The following SUGCT variants were observed in gnomAD, a reference collection of about 807,000 sequenced individuals.
SUGCT encodes the protein succinyl-CoA:glutarate-CoA transferase, also known as succinyl-CoA:glutarate CoA-transferase.
In SUGCT, 41 loss-of-function variants were observed where a neutral mutation model predicts 55.0. That is an observed-to-expected ratio of 0.74 (90% CI 0.58 to 0.97). The LOEUF is 0.97. SUGCT is among the 50% of genes least tolerant of loss of function. SUGCT has a pLI of 0.00. For synonymous variants in SUGCT, 187 were observed against 200.4 expected (o/e 0.93, Z 0.56); for missense variants, 568 against 547.8 (o/e 1.04, Z -0.37).
At chr7:40,176,896 C>T (rs1263144519) in intron 1 of SUGCT, among the ~76,000 whole-genome samples, 2 of 144,874 alleles carry the variant, frequency 1.4e-5, no homozygotes, top group Non-Finnish European at 3.0e-5. Context: ...TCACTTGAAC[C>T]TGGGAAGCGG....
At chr7:40,291,978 G>C (rs984072619) in intron 8 of SUGCT, among the ~76,000 whole-genome samples, 1 of 152,094 alleles carries the variant, frequency 6.6e-6, no homozygotes, top group African/African-American at 2.4e-5. Context: ...TAGCCCATGC[G>C]GAGTGATTTC....
chr7:40,905,728 T>C, the SUGCT span, among the ~76,000 whole-genome samples: 30 of 152,000 alleles, frequency 2.0e-4, no homozygotes, highest in Admixed American at 1.6e-3. Context: ...TTTTTTTTTT[T>C]CTTTAGAGGC....
chr7:40,171,043 T>C (rs1032490410), intron 1 of SUGCT, among the ~76,000 whole-genome samples: 2 of 152,206 alleles, frequency 1.3e-5, no homozygotes, highest in African/African-American at 4.8e-5. Context: ...TGCAAATTTA[T>C]TTCAGAGAGG....
At chr7:40,347,243 A>C (rs1230901137) in intron 9 of SUGCT, among the ~76,000 whole-genome samples, 1 of 152,232 alleles carries the variant, frequency 6.6e-6, no homozygotes, top group Admixed American at 6.5e-5. Flanking sequence ...TAGAGAATAC[A>C]TAGATAATCT....
chr7:40,389,767 C>G (rs1785320776), intron 9 of SUGCT, among the ~76,000 whole-genome samples: 1 of 152,172 alleles, frequency 6.6e-6, no homozygotes, highest in African/African-American at 2.4e-5. Flanking sequence ...ATGCACTACT[C>G]CTAACTACTG....
intron 13 of SUGCT, among the ~76,000 whole-genome samples, chr7:40,829,570 AAAG>A (rs1453691704): frequency 2.0e-5 from 3 of 152,214 alleles, no homozygotes; most frequent in Admixed American, 1.3e-4. Flanking sequence ...ATTTTAATAA[AAAG>A]AAAAACAAAA....
At chr7:40,543,766 G>T (rs923397595) in intron 12 of SUGCT, among the ~76,000 whole-genome samples, 25 of 152,214 alleles carry the variant, frequency 1.6e-4, no homozygotes, top group Admixed American at 1.6e-3. Context: ...TGTTTTAGTT[G>T]TGATGTTCAA....
intron 13 of SUGCT, chr7:40,783,520 A>C (rs987001070): frequency 6.6e-6 from 1 of 152,140 alleles, no homozygotes; most frequent in Non-Finnish European, 1.5e-5. Flanking sequence ...ATTTTAGAGC[A>C]CTAACAGGAG....
At chr7:40,675,594 C>T (rs1423292327) in intron 12 of SUGCT, among the ~76,000 whole-genome samples, 2 of 152,132 alleles carry the variant, frequency 1.3e-5, no homozygotes, top group African/African-American at 4.8e-5. Context: ...TAAGCTACAG[C>T]TGGGGGTCAG....
At position 40,840,611 on chromosome 7, in the gene SUGCT, C is replaced by T. The variant is rs147613426; in HGVS notation, c.1154-19705C>T. ...AATGTTTACATCAGCGGAGACAAAA[C>T]GTCTCAAATCAATCATCTAAGTTTC... On this transcript the variant is annotated intron_variant, in intron 13 of 13. Coordinates refer to ENST00000335693, the MANE Select transcript of SUGCT (RefSeq NM_001193313.2). Among the ~76,000 whole-genome samples, 40 of 151,276 alleles carry T rather than the reference C, an allele frequency of 2.6e-4. No homozygotes were observed. In the South Asian group the frequency reaches 7.8e-3, roughly 29 times the overall value.
intron 12 of SUGCT, among the ~76,000 whole-genome samples, chr7:40,662,248 T>C (rs1395530835): frequency 2.0e-5 from 3 of 152,212 alleles, no homozygotes; most frequent in Admixed American, 2.0e-4. Flanking sequence ...TCTTACCAGC[T>C]CTGTTGCTGA....
chr7:40,521,680 G>A (rs1285399388), intron 12 of SUGCT, among the ~76,000 whole-genome samples: 1 of 151,826 alleles, frequency 6.6e-6, no homozygotes, highest in African/African-American at 2.4e-5. Context: ...TTTTTTTAGA[G>A]ATTAACTTTT....
At chr7:40,281,805 A>AT (rs1293046133) in intron 8 of SUGCT, among the ~76,000 whole-genome samples, 1 of 148,934 alleles carries the variant, frequency 6.7e-6, no homozygotes, top group Non-Finnish European at 1.5e-5. Flanking sequence ...CAGGCAATTG[A>AT]TTTTTTGTTT....
rs1009713962 is a variant in SUGCT at position 40,821,844 on chromosome 7, T to C, written c.1154-38472T>C. ...GTTTGCTCTTGCTTCTCTAGTTCTT[T>C]TGATGTGATGTTAGGGTGTCAATTT... On this transcript the variant is annotated intron_variant, in intron 13 of 13. Coordinates refer to ENST00000335693, the MANE Select transcript of SUGCT (RefSeq NM_001193313.2). Among the ~76,000 whole-genome samples, 22 of 152,210 alleles carry C rather than the reference T, an allele frequency of 1.4e-4. 2 individuals carry two copies. Among genetic ancestry groups the C allele is most frequent in the Admixed American group, 1.0e-3 (16 of 15,284 alleles).
At chr7:40,276,024 A>G (rs1052598210) in intron 8 of SUGCT, among the ~76,000 whole-genome samples, 4 of 152,220 alleles carry the variant, frequency 2.6e-5, no homozygotes, top group Non-Finnish European at 5.9e-5. Flanking sequence ...AAAGGCATAC[A>G]TGGGAAAATA....
At chr7:40,153,422 G>T in intron 1 of SUGCT, 2 of 367,696 alleles carry the variant, frequency 5.4e-6, no homozygotes, top group South Asian at 2.5e-5. Flanking sequence ...TTGATGTTGC[G>T]ATTCTTTTGA....
intron 12 of SUGCT, among the ~76,000 whole-genome samples, chr7:40,742,730 C>T (rs1306253766): frequency 6.6e-6 from 1 of 152,142 alleles, no homozygotes; most frequent in Non-Finnish European, 1.5e-5. Context: ...AATTTGTTGT[C>T]AGGAATTTAT....
At chr7:40,250,261 G>A (rs903400417) in intron 7 of SUGCT, among the ~76,000 whole-genome samples, 10 of 151,940 alleles carry the variant, frequency 6.6e-5, no homozygotes, top group Non-Finnish European at 1.3e-4. Flanking sequence ...TTAGCGGGGC[G>A]TGGAGGTGCC....
chr7:40,973,146 G>A, the SUGCT span, among the ~76,000 whole-genome samples: 1 of 152,162 alleles, frequency 6.6e-6, no homozygotes, highest in Non-Finnish European at 1.5e-5. Context: ...AAACAACATT[G>A]CCTCTCCTCC....
Sources: gnomAD v4.1 joint callset for allele counts (sites outside exome capture counted in the v4.1 genomes callset) on GRCh38, gnomAD v4.1.1 for gene constraint, MANE v1.5 for transcripts, NCBI Gene and HGNC (gene_info 2026-07-23, HGNC 2026-07-21) for gene names.